PHACTR1: variants seen among roughly 807,000 people sequenced by gnomAD.
The protein encoded by PHACTR1 is RPEL repeat containing 1.
PHACTR1 carries 16 observed loss-of-function variants against 69.2 expected under a neutral mutation model. The ratio of observed to expected loss-of-function variants is 0.23; its 90% CI spans 0.16 to 0.35. The LOEUF (loss-of-function observed/expected upper bound fraction) is 0.35. Among genes scored for constraint, PHACTR1 ranks in the 10% least tolerant of loss-of-function variants. The pLI is 1.00. For missense variants in PHACTR1, 510 were observed against 734.7 expected, an observed-to-expected ratio of 0.69 and a Z score of 3.54; for synonymous variants, 312 against 284.5, an observed-to-expected ratio of 1.10 and a Z score of -0.97.
At chr6:12,924,265 T>C (rs1788017685) in intron 4 of PHACTR1, among the ~76,000 whole-genome samples, 1 of 152,214 alleles carries the variant, frequency 6.6e-6, no homozygotes, top group African/African-American at 2.4e-5. Flanking sequence ...AACGTGTGTG[T>C]CCATACATAT....
At chr6:13,069,397 G>A (rs777575046) in intron 5 of PHACTR1, among the ~76,000 whole-genome samples, 2 of 151,858 alleles carry the variant, frequency 1.3e-5, no homozygotes, top group East Asian at 1.9e-4. Context: ...GATGGCTCCC[G>A]TCATCAGCTC....
chr6:12,752,917 T>C (rs371012628), intron 4 of PHACTR1, among the ~76,000 whole-genome samples: 37 of 152,334 alleles, frequency 2.4e-4, no homozygotes, highest in African/African-American at 8.7e-4. Context: ...ACCATGACTT[T>C]TATTTTTCTA....
At chr6:13,123,522 A>C (rs1819064944) in intron 5 of PHACTR1, among the ~76,000 whole-genome samples, 1 of 152,210 alleles carries the variant, frequency 6.6e-6, no homozygotes, top group Non-Finnish European at 1.5e-5. Context: ...CTAAATTTAG[A>C]TCCTACAGCC....
intron 4 of PHACTR1, chr6:12,957,420 G>A (rs998874842): frequency 7.1e-6 from 7 of 985,262 alleles, no homozygotes; most frequent in African/African-American, 3.5e-5. Context: ...TTGGATCCCC[G>A]GGTTACTTTC....
At chr6:13,153,117 T>C (rs1757675427) in intron 5 of PHACTR1, among the ~76,000 whole-genome samples, 1 of 152,188 alleles carries the variant, frequency 6.6e-6, no homozygotes, top group Non-Finnish European at 1.5e-5. Flanking sequence ...ATTCACTCTC[T>C]CTGGGAATCA....
intron 4 of PHACTR1, among the ~76,000 whole-genome samples, chr6:12,886,709 C>G (rs1222635807): frequency 6.6e-6 from 1 of 152,168 alleles, no homozygotes; most frequent in African/African-American, 2.4e-5. Flanking sequence ...CCACTCACAG[C>G]TCATGGAGAC....
intron 4 of PHACTR1, among the ~76,000 whole-genome samples, chr6:12,865,056 GACAGGGTGACCA>G (rs1781319576): frequency 6.6e-6 from 1 of 152,136 alleles, no homozygotes; most frequent in Non-Finnish European, 1.5e-5. Context: ...AAAGGCAAGA[GACAGGGTGACCA>G]ACCCTTCCCA....
At chr6:13,181,163 C>T (rs1258033415) in intron 6 of PHACTR1, among the ~76,000 whole-genome samples, 1 of 145,942 alleles carries the variant, frequency 6.9e-6, no homozygotes, top group Non-Finnish European at 1.5e-5. Flanking sequence ...GTTGATTATT[C>T]TGTTAAACAG....
intron 4 of PHACTR1, among the ~76,000 whole-genome samples, chr6:12,941,380 A>G (rs1790039382): frequency 6.6e-6 from 1 of 151,544 alleles, no homozygotes; most frequent in South Asian, 2.1e-4. Context: ...GGCATAAATC[A>G]CCTCTGTAAA....
At chr6:13,181,955 C>T (rs1001348277) in intron 6 of PHACTR1, among the ~76,000 whole-genome samples, 10 of 152,010 alleles carry the variant, frequency 6.6e-5, no homozygotes, top group African/African-American at 1.9e-4. Flanking sequence ...AGAAAATGGC[C>T]GGGCGCGGTG....
At chr6:12,993,792 C>G (rs4715046) in intron 4 of PHACTR1, among the ~76,000 whole-genome samples, 1 of 152,060 alleles carries the variant, frequency 6.6e-6, no homozygotes, top group Non-Finnish European at 1.5e-5. Context: ...GAGCTAAAAG[C>G]GAACATATTT....
chr6:13,229,464 GT>G (rs1215038391), intron 9 of PHACTR1, among the ~76,000 whole-genome samples: 2 of 152,152 alleles, frequency 1.3e-5, no homozygotes, highest in Non-Finnish European at 2.9e-5. Context: ...GATATTGCGT[GT>G]TTCAAAGCCC....
intron 5 of PHACTR1, among the ~76,000 whole-genome samples, chr6:13,113,073 A>G (rs777674545): frequency 5.3e-5 from 8 of 152,004 alleles, no homozygotes; most frequent in South Asian, 2.1e-4. Flanking sequence ...AAGGTGTCCA[A>G]TTTCAGTCAT....
intron 8 of PHACTR1, among the ~76,000 whole-genome samples, chr6:13,220,023 A>G (rs971815602): frequency 6.6e-6 from 1 of 152,142 alleles, no homozygotes; most frequent in African/African-American, 2.4e-5. Flanking sequence ...CAATCAAGAT[A>G]ATAACAATAC....
At chr6:13,249,233 C>A (rs1774010865) in intron 10 of PHACTR1, among the ~76,000 whole-genome samples, 2 of 152,008 alleles carry the variant, frequency 1.3e-5, no homozygotes, top group Non-Finnish European at 2.9e-5. Context: ...CTGCCTCCTG[C>A]CAGATCAGTG....
chr6:12,972,394 C>T (rs1404695224), intron 4 of PHACTR1, among the ~76,000 whole-genome samples: 1 of 152,166 alleles, frequency 6.6e-6, no homozygotes, highest in Non-Finnish European at 1.5e-5. Flanking sequence ...TTTTCTGTTG[C>T]TGTTATAATA....
intron 6 of PHACTR1, among the ~76,000 whole-genome samples, chr6:13,168,216 G>A (rs9463490): frequency 0.061 from 9,234 of 152,214 alleles, 755 homozygotes; most frequent in African/African-American, 0.18. Context: ...TAGCACCTAA[G>A]CACTTAATAC....
intron 3 of PHACTR1, among the ~76,000 whole-genome samples, chr6:12,737,257 T>C (rs1764384155): frequency 6.6e-6 from 1 of 152,136 alleles, no homozygotes; most frequent in South Asian, 2.1e-4. Context: ...AGCACAATGC[T>C]ATTTGTGTAT....
chr6:12,884,832 C>T (rs894441864), intron 4 of PHACTR1, among the ~76,000 whole-genome samples: 4 of 152,182 alleles, frequency 2.6e-5, no homozygotes, highest in African/African-American at 9.7e-5. Context: ...CACACACAAA[C>T]ACATACACAC....
Sources: gnomAD v4.1 joint callset for allele counts (sites outside exome capture counted in the v4.1 genomes callset) on GRCh38, gnomAD v4.1.1 for gene constraint, MANE v1.5 for transcripts, NCBI Gene and HGNC (gene_info 2026-07-23, HGNC 2026-07-21) for gene names.